MADD: variants seen among roughly 807,000 people sequenced by gnomAD.
The protein encoded by MADD is MAP kinase activating death domain.
MADD carries 109 observed loss-of-function variants against 176.7 expected under a neutral mutation model. The ratio of observed to expected loss-of-function variants is 0.62; its 90% CI spans 0.53 to 0.72. The LOEUF is 0.72. MADD is among the 30% of genes least tolerant of loss of function. The pLI, the probability that MADD is intolerant of heterozygous loss-of-function variation, is 0.00. For synonymous variants in MADD, 771 were observed against 771.3 expected, an observed-to-expected ratio of 1.00 and a Z score of 0.01; for missense variants, 1,914 against 2,045.5, an observed-to-expected ratio of 0.94 and a Z score of 1.24.
intron 14 of MADD, 139 bp downstream of exon 14, chr11:47,285,729 A>T (rs1302846515): frequency 5.1e-5 from 61 of 1,196,290 alleles, no homozygotes; most frequent in Non-Finnish European, 6.9e-5. Context: ...CATTTGGGTG[A>T]TACTGAATAA....
At position 47,327,418 on chromosome 11, in the gene MADD, G is replaced by A. The variant is rs865818100; in HGVS notation, c.4612+611G>A. The A allele has an allele frequency of 3.0e-6, 3 of 985,284 alleles. No homozygotes were observed. The African/African-American group carries it at 5.2e-5, about 17-fold the overall frequency. 61.0% of individuals were successfully genotyped at this position (985,284 alleles called of 1,614,324 possible). ...TCATTCTTTTGTGCCCCTCATCGCT[G>A]CTATGAAAACCTTCGTTCTCCAGCA... On this transcript the variant is annotated intron_variant, in intron 31 of 32. Coordinates refer to ENST00000402192, the Ensembl canonical transcript of MADD.
exon 10 of MADD, chr11:47,282,860 C>T (rs1183021430): frequency 5.0e-6 from 8 of 1,614,058 alleles, no homozygotes; most frequent in Middle Eastern, 1.6e-4. Context: ...GTGGTATGCT[C>T]ATCAGCTGCA....
At position 47,286,432 on chromosome 11, in the gene MADD, G is replaced by C; in HGVS notation, c.2552-1G>C. The C allele has an allele frequency of 1.2e-6, 2 of 1,612,238 alleles. No homozygotes were observed. Among genetic ancestry groups the C allele is most frequent in the Non-Finnish European group, 1.7e-6 (2 of 1,178,338 alleles). ...TCGCTCTTGCACCCTCCCCTTGATA[G>C]GCAGCCTCTATCGGAACCACAGTAC... On this transcript the variant is annotated splice_acceptor_variant, in intron 14 of 32. Transcript: ENST00000402192. LOFTEE classifies it high-confidence loss of function.
At chr11:47,291,352 C>T (rs1415017380) in intron 19 of MADD, among the ~76,000 whole-genome samples, 1 of 152,170 alleles carries the variant, frequency 6.6e-6, no homozygotes, top group East Asian at 1.9e-4. Flanking sequence ...CTTCACTGGA[C>T]TTGATTATAA....
At chr11:47,313,677 C>G (rs1214856930) in intron 26 of MADD, among the ~76,000 whole-genome samples, 1 of 152,086 alleles carries the variant, frequency 6.6e-6, no homozygotes, top group Non-Finnish European at 1.5e-5. Flanking sequence ...AAGATCTACT[C>G]AAAATGCAAG....
At chr11:47,272,963 G>C (rs573734378) in intron 1 of MADD, among the ~76,000 whole-genome samples, 17 of 152,324 alleles carry the variant, frequency 1.1e-4, no homozygotes, top group Middle Eastern at 3.4e-3. Flanking sequence ...GGAGAAAAGT[G>C]GTGCAGATTA....
chr11:47,308,778 G>C, intron 23 of MADD, 79 bp downstream of exon 25: 1 of 1,237,822 alleles, frequency 8.1e-7, no homozygotes, highest in Non-Finnish European at 1.2e-6. Context: ...TGAACAAGTA[G>C]CTGGTTGTCT....
At chr11:47,312,135 G>T (rs1379863337) in intron 26 of MADD, among the ~76,000 whole-genome samples, 2 of 152,198 alleles carry the variant, frequency 1.3e-5, no homozygotes, top group South Asian at 4.1e-4. Flanking sequence ...TGGTACCAAC[G>T]CAGTGATGGG....
chr11:47,324,908 C>T (rs780764647), intron 30 of MADD: 29 of 602,392 alleles, frequency 4.8e-5, no homozygotes, highest in Admixed American at 2.9e-4. Flanking sequence ...CTGCCTTCCT[C>T]TATTCCCAGG....
At position 47,281,323 on chromosome 11, in the gene MADD, T is replaced by C. The variant is rs553918561; in HGVS notation, c.1291-252T>C. ...TAAGATCAAGTTGCCTTGAGCTAGG[T>C]TGTCTTAAGATGGAGAGCTACATAT... is the stretch of plus-strand genomic sequence containing the variant. On this transcript the variant is annotated intron_variant, in intron 7 of 32. Transcript: ENST00000402192. Among the ~76,000 whole-genome samples the C allele has an allele frequency of 6.6e-5, 10 of 152,356 alleles. No individual in the cohort carries two copies. The South Asian group carries it at 2.1e-3, about 32-fold the overall frequency.
intron 22 of MADD, among the ~76,000 whole-genome samples, chr11:47,297,023 CT>C (rs1315660626): frequency 6.6e-6 from 1 of 152,114 alleles, no homozygotes; most frequent in Non-Finnish European, 1.5e-5. Context: ...AGCCTCCTGC[CT>C]TGGCCTCTTA....
intron 15 of MADD, among the ~76,000 whole-genome samples, chr11:47,287,371 A>G (rs1041662610): frequency 9.9e-5 from 15 of 152,154 alleles, no homozygotes; most frequent in Non-Finnish European, 2.1e-4. Context: ...GGTTTGTGCT[A>G]TCTGACAGTT....
At chr11:47,314,789 T>A (rs1168397286) in intron 26 of MADD, among the ~76,000 whole-genome samples, 1 of 152,172 alleles carries the variant, frequency 6.6e-6, no homozygotes, top group Non-Finnish European at 1.5e-5. Context: ...CAGAGGCAGA[T>A]AGGAGAATGC....
chr11:47,276,283 C>A lies in MADD; in HGVS notation c.963+81C>A, dbSNP rs1304574318. The A allele has an allele frequency of 3.7e-6, 5 of 1,357,938 alleles. No homozygotes were observed. In the African/African-American group the frequency reaches 7.3e-5, roughly 20 times the overall value. The allele number at this position is 1,357,938 out of a possible 1,614,324, so 84.1% of individuals were successfully genotyped here. A position where few individuals can be genotyped will look rare whatever the true frequency, so the allele number is the denominator to read the frequency against. Reference sequence around the variant, plus strand: ...GGCCAGACCACGAGCTCTTAGAGGACAGGGACTACATATTTTTCACCTTTT... The same window carrying A: ...GGCCAGACCACGAGCTCTTAGAGGAAAGGGACTACATATTTTTCACCTTTT... On this transcript the variant is annotated intron_variant, in intron 4 of 32. Transcript: ENST00000402192.
chr11:47,322,006 C>T (rs191580757), intron 27 of MADD, among the ~76,000 whole-genome samples: 2 of 152,134 alleles, frequency 1.3e-5, no homozygotes, highest in African/African-American at 2.4e-5. Context: ...GAACCATCAA[C>T]ATGGTAATAA....
intron 5 of MADD, among the ~76,000 whole-genome samples, chr11:47,277,100 C>T (rs1274333271): frequency 1.3e-5 from 2 of 152,312 alleles, no homozygotes; most frequent in Admixed American, 6.5e-5. Context: ...GCAGGTGTTA[C>T]GTGTGTTACG....
exon 33 of MADD, chr11:47,329,371 C>T (rs2095806570): frequency 3.5e-6 from 2 of 572,142 alleles, no homozygotes. Flanking sequence ...AAACTGCCTT[C>T]CCCTCAGGGC....
At chr11:47,285,707 C>A in intron 14 of MADD, 117 bp downstream of exon 14, 1 of 1,413,020 alleles carries the variant, frequency 7.1e-7, no homozygotes, top group Non-Finnish European at 9.8e-7. Context: ...CATTAGCAAG[C>A]CCTAATCCAG....
rs150009653 is a variant in MADD at position 47,324,336 on chromosome 11, C to T, written c.4434C>T (p.Pro1478=). Residue 1478 remains proline (P), a splice_region_variant and synonymous_variant, in exon 29 of 33, where the codon CCC becomes CCT. Transcript: ENST00000402192. ...CCGCCCGACAGCAAAGCATCAAACCCGGTGAGGAGAGTTTTTCCTGAGAGT... is the reference window on the plus strand; with the variant it reads ...CCGCCCGACAGCAAAGCATCAAACCTGGTGAGGAGAGTTTTTCCTGAGAGT... The T allele has an allele frequency of 3.5e-5, 56 of 1,614,136 alleles. No homozygotes were observed. In the Middle Eastern group the frequency reaches 9.9e-4, roughly 29 times the overall value.
Sources: allele counts gnomAD v4.1 joint callset (sites outside exome capture counted in the v4.1 genomes callset), GRCh38; gene constraint gnomAD v4.1.1; transcripts MANE v1.5; gene names NCBI Gene and HGNC (gene_info 2026-07-23, HGNC 2026-07-21).